MSANTD2: variants seen among roughly 807,000 people sequenced by gnomAD.
The protein encoded by MSANTD2 is Myb/SANT DNA binding domain containing 2.
Under a neutral mutation model 52.6 loss-of-function variants are expected in MSANTD2, and 19 were observed. The observed-to-expected ratio is 0.36, with a 90% CI of 0.25 to 0.53. MSANTD2 has a LOEUF of 0.53. Ranked by LOEUF, MSANTD2 falls within the 20% of genes least tolerant of loss-of-function variation. The pLI, the probability that MSANTD2 is intolerant of heterozygous loss-of-function variation, is 0.91. For missense variants in MSANTD2, 558 were observed against 716.3 expected (o/e 0.78, Z 2.52); for synonymous variants, 291 against 289.7 (o/e 1.00, Z -0.04).
chr11:124,789,629 A>G (rs1161375211), intron 1 of MSANTD2: 1 of 152,196 alleles, frequency 6.6e-6, no homozygotes, highest in African/African-American at 2.4e-5. Flanking sequence ...GATTAGTGCC[A>G]AGAAAAAAAA....
chr11:124,768,354 A>C (rs1435648588), intron 3 of MSANTD2, among the ~76,000 whole-genome samples: 1 of 152,244 alleles, frequency 6.6e-6, no homozygotes, highest in Admixed American at 6.5e-5. Flanking sequence ...CTGTATAATC[A>C]GAATCAATAC....
chr11:124,767,680 A>G lies in MSANTD2; in HGVS notation c.1176T>C (p.Ile392=). 6.2e-7 allele frequency: 1 copy of G among 1,614,226 alleles called. No homozygotes were observed. Among genetic ancestry groups the G allele is most frequent in the Non-Finnish European group, 8.5e-7 (1 of 1,180,048 alleles). ...EARCLELHME[I]DWIPIAHSKP... is the part of the protein sequence containing the mutation. ...TGGAGTGGGCAATGGGTATCCAGTC[A>G]ATTTCCATGTGCAGCTCCAAGCACC... Residue 392 remains isoleucine (I), a synonymous_variant, in exon 4 of 4, where the codon ATT becomes ATC. Transcript: ENST00000374979. This position sits in a 1 kb window ranked among gnomAD's most constrained non-coding sequence, Gnocchi z 6.5.
At position 124,767,395 on chromosome 11, in the gene MSANTD2, C is replaced by T; in HGVS notation, c.1461G>A (p.Gln487=). 1 of 1,614,206 alleles carries T rather than the reference C, an allele frequency of 6.2e-7. No individual in the cohort carries two copies. Among genetic ancestry groups the T allele is most frequent in the African/African-American group, 1.3e-5 (1 of 75,046 alleles). ...LGIAEVRTLQ[Q]CLFLHFQANT... ...TCGCTTGGAAATGTAAAAATAAGCACTGCTGTAGAGTCCTGACCTCAGCAA... is the reference window on the plus strand; with the variant it reads ...TCGCTTGGAAATGTAAAAATAAGCATTGCTGTAGAGTCCTGACCTCAGCAA... Residue 487 remains glutamine (Q), a synonymous_variant, in exon 4 of 4, where the codon CAG becomes CAA. Transcript: ENST00000374979. The surrounding 1 kb of genome is among the most constrained non-coding windows in gnomAD (Gnocchi z 6.5).
chr11:124,789,156 A>AC (rs1282318772), intron 1 of MSANTD2: 1 of 152,188 alleles, frequency 6.6e-6, no homozygotes, highest in Non-Finnish European at 1.5e-5. Flanking sequence ...GTGCTTTTTG[A>AC]CCTATCCTAT....
intron 1 of MSANTD2, among the ~76,000 whole-genome samples, chr11:124,798,217 T>TAGA (rs1183361111): frequency 3.1e-5 from 4 of 127,446 alleles, no homozygotes; most frequent in Non-Finnish European, 1.6e-5. Context: ...CTGAGCAACG[T>TAGA]AGAAGACCCT....
intron 1 of MSANTD2, among the ~76,000 whole-genome samples, chr11:124,796,220 C>G (rs1403867209): frequency 6.6e-6 from 1 of 152,062 alleles, no homozygotes; most frequent in Non-Finnish European, 1.5e-5. Flanking sequence ...AAGGCACAGT[C>G]CAAAGAAGGT....
chr11:124,799,884 C>T lies in MSANTD2; in HGVS notation c.497G>A (p.Arg166Gln). ...GCGGCCGGTTACCTTGATGCGCTCC[C>T]GGCACTGGGACGGGGTCCGCTCGTA... ...LGYERTPSQC[R>Q]ERIKTLRRCY... The change falls in exon 1 of 4, where the codon CGG becomes CAG. Residue 166 changes from arginine to glutamine, a missense_variant. Arg to Gln is a conservative substitution (Grantham distance 43). Around this residue, in one of 2 missense-constraint regions of MSANTD2, gnomAD observed 408 missense variants for 573.6 expected, o/e 0.71. Coordinates refer to ENST00000374979, the MANE Select transcript of MSANTD2 (RefSeq NM_001308027.2). The T allele has an allele frequency of 6.3e-7, 1 of 1,579,750 alleles. No homozygotes were observed. The highest frequency in any genetic ancestry group is 8.5e-7 in the Non-Finnish European group (1 of 1,171,408).
At chr11:124,799,750 C>A (rs1435551753) in intron 1 of MSANTD2, 121 bp downstream of exon 1, 1 of 656,138 alleles carries the variant, frequency 1.5e-6, no homozygotes, top group Non-Finnish European at 2.5e-6. Context: ...GGAGGAGATG[C>A]GAATCGCCCA....
At chr11:124,793,540 G>A (rs1298475795) in intron 1 of MSANTD2, among the ~76,000 whole-genome samples, 1 of 152,142 alleles carries the variant, frequency 6.6e-6, no homozygotes, top group Non-Finnish European at 1.5e-5. Context: ...ACTAGCCACA[G>A]GTGACTATTT....
At chr11:124,784,598 G>A in intron 1 of MSANTD2, 1 of 985,174 alleles carries the variant, frequency 1.0e-6, no homozygotes, top group Middle Eastern at 5.2e-4. Context: ...GGGAGACTGT[G>A]CAGAGCAGGC....
intron 3 of MSANTD2, among the ~76,000 whole-genome samples, chr11:124,771,436 T>A (rs949330347): frequency 4.6e-5 from 7 of 152,106 alleles, no homozygotes; most frequent in African/African-American, 1.4e-4. Flanking sequence ...GAAATGAGCA[T>A]TTACAAAGGG....
intron 1 of MSANTD2, among the ~76,000 whole-genome samples, chr11:124,783,109 C>T (rs574255095): frequency 9.1e-4 from 138 of 152,212 alleles, no homozygotes; most frequent in Non-Finnish European, 1.6e-3. Flanking sequence ...GGGAAAGACT[C>T]GATTGCTTTC....
intron 3 of MSANTD2, among the ~76,000 whole-genome samples, chr11:124,772,395 C>T (rs1445627977): frequency 6.6e-6 from 1 of 152,186 alleles, no homozygotes; most frequent in Admixed American, 6.5e-5. Flanking sequence ...ACAAAATTCT[C>T]AACATTTTAG....
In MSANTD2 at chr11:124,800,385, C is replaced by G; in HGVS notation, c.-5G>C. ...CGAGCCACAGGGCGCAGCCATCTTCCAAGCGGCCGCCGCTGCACCGCCCGG... is the reference window on the plus strand; with the variant it reads ...CGAGCCACAGGGCGCAGCCATCTTCGAAGCGGCCGCCGCTGCACCGCCCGG... On this transcript the variant is annotated 5_prime_UTR_variant, in exon 1 of 4. Coordinates refer to ENST00000374979, the MANE Select transcript of MSANTD2 (RefSeq NM_001308027.2). This position sits in a 1 kb window ranked among gnomAD's most constrained non-coding sequence, Gnocchi z 4.3. The G allele has an allele frequency of 1.3e-6, 2 of 1,505,444 alleles. No individual in the cohort carries two copies. Among genetic ancestry groups the G allele is most frequent in the Non-Finnish European group, 1.8e-6 (2 of 1,126,832 alleles). 93.3% of individuals were successfully genotyped at this position (1,505,444 alleles called of 1,614,324 possible).
chr11:124,791,367 C>A, intron 1 of MSANTD2: 1 of 1,383,330 alleles, frequency 7.2e-7, no homozygotes, highest in Non-Finnish European at 1.0e-6. Flanking sequence ...GCAAGACAAA[C>A]AAGGCATCAT....
At chr11:124,784,464 A>T (rs1327119329) in intron 1 of MSANTD2, 13 of 962,526 alleles carry the variant, frequency 1.4e-5, no homozygotes, top group Non-Finnish European at 1.6e-5. Flanking sequence ...TCCATGGACA[A>T]CCATGTCTAA....
At chr11:124,780,106 T>C (rs1462332120) in intron 1 of MSANTD2, among the ~76,000 whole-genome samples, 3 of 152,226 alleles carry the variant, frequency 2.0e-5, no homozygotes, top group Non-Finnish European at 4.4e-5. Context: ...CTATATTTTG[T>C]TACTGTGAGC....
chr11:124,791,131 C>G, intron 1 of MSANTD2: 2 of 700,806 alleles, frequency 2.9e-6, no homozygotes, highest in South Asian at 3.3e-5. Context: ...GACCCAGGGA[C>G]AGTGAAAGGG....
chr11:124,799,741 G>A (rs1025838006), intron 1 of MSANTD2, 130 bp downstream of exon 1: 9 of 620,978 alleles, frequency 1.4e-5, no homozygotes, highest in Admixed American at 1.3e-4. Flanking sequence ...GAAAAAGGCG[G>A]AGGAGATGCG....
Sources: gnomAD v4.1 joint callset for allele counts (sites outside exome capture counted in the v4.1 genomes callset) on GRCh38, gnomAD v4.1.1 for gene constraint, gnomAD v4.1.1 regional missense constraint, Gnocchi (gnomAD v3.1) non-coding constraint, MANE v1.5 for transcripts, NCBI Gene and HGNC (gene_info 2026-07-23, HGNC 2026-07-21) for gene names.